Variants in BTRC observed in about 807,000 individuals in gnomAD.
The protein encoded by BTRC is F-box/WD repeat-containing protein 1A.
BTRC carries 42 observed loss-of-function variants against 85.5 expected under a neutral mutation model. That is an observed-to-expected ratio of 0.49 (90% CI 0.38 to 0.64). The LOEUF is 0.64. Among genes scored for constraint, BTRC ranks in the 30% least tolerant of loss-of-function variants. The probability of loss-of-function intolerance (pLI) is 0.00; values close to 1 mark genes in which losing one functional copy is unlikely to be tolerated. For missense variants in BTRC, 594 were observed against 743.5 expected (o/e 0.80, Z 2.34); for synonymous variants, 255 against 263.3 (o/e 0.97, Z 0.30).
intron 13 of BTRC, 70 bp downstream of exon 13, chr10:101,538,441 G>A: frequency 3.6e-6 from 5 of 1,376,036 alleles, no homozygotes; most frequent in Non-Finnish European, 5.2e-6. Context: ...GATGTGCTGT[G>A]GAATATGGAT....
intron 3 of BTRC, among the ~76,000 whole-genome samples, chr10:101,464,542 C>A (rs1423949461): frequency 5.5e-5 from 7 of 128,098 alleles, no homozygotes; most frequent in African/African-American, 2.1e-4. Flanking sequence ...TTCCCCCCCA[C>A]CCCCCCCATG....
In BTRC at chr10:101,490,487, ACATCT is replaced by A. The variant is rs1175753587; in HGVS notation, c.324+11031_324+11035del. ...TAAGTTAAACCTTTTCCAAATTTTC[ACATCT>A]TTAAATGATAGAGTCAAGTTTTGAA... On this transcript the variant is annotated intron_variant, in intron 4 of 14. Coordinates refer to ENST00000370187, the MANE Select transcript of BTRC (RefSeq NM_033637.4). Among the ~76,000 whole-genome samples the A allele has an allele frequency of 2.6e-4, 40 of 152,252 alleles. No homozygotes were observed. The South Asian group carries it at 8.1e-3, about 31-fold the overall frequency.
At chr10:101,472,295 T>C (rs1945550334) in intron 3 of BTRC, among the ~76,000 whole-genome samples, 1 of 149,808 alleles carries the variant, frequency 6.7e-6, no homozygotes, top group Non-Finnish European at 1.5e-5. Flanking sequence ...TTCTCTTCTC[T>C]TCTCTTCTCT....
At chr10:101,355,355 G>T (rs1309382619) in intron 1 of BTRC, among the ~76,000 whole-genome samples, 1 of 152,138 alleles carries the variant, frequency 6.6e-6, no homozygotes, top group African/African-American at 2.4e-5. Context: ...GGATTTTGTG[G>T]GTGTGCTTAA....
At chr10:101,362,008 T>C (rs1942221226) in intron 1 of BTRC, among the ~76,000 whole-genome samples, 1 of 152,176 alleles carries the variant, frequency 6.6e-6, no homozygotes, top group Admixed American at 6.5e-5. Flanking sequence ...GTCGCCAGAC[T>C]GGAGTGCAGT....
intron 2 of BTRC, among the ~76,000 whole-genome samples, chr10:101,441,879 CAAAAA>C (rs35543012): frequency 2.3e-5 from 2 of 85,746 alleles, no homozygotes; most frequent in Non-Finnish European, 4.3e-5. Context: ...GAGACTGTCT[CAAAAA>C]AAAAAAAAAA....
At chr10:101,369,627 G>A (rs189983750) in intron 1 of BTRC, among the ~76,000 whole-genome samples, 5 of 152,268 alleles carry the variant, frequency 3.3e-5, no homozygotes, top group East Asian at 3.9e-4. Context: ...GGTGTTAAGC[G>A]TGCTCATTGC....
intron 13 of BTRC, among the ~76,000 whole-genome samples, chr10:101,545,543 C>T (rs1253693174): frequency 6.6e-6 from 1 of 151,904 alleles, no homozygotes; most frequent in Admixed American, 6.6e-5. Flanking sequence ...TGGAGTAGGC[C>T]CTAATCCAAT....
At chr10:101,392,446 T>A (rs537025761) in intron 1 of BTRC, among the ~76,000 whole-genome samples, 3 of 152,282 alleles carry the variant, frequency 2.0e-5, no homozygotes, top group Admixed American at 6.5e-5. Context: ...TCAAAAAAAA[T>A]TTTAAAGATT....
chr10:101,533,805 C>T lies in BTRC; in HGVS notation c.1097+735C>T, dbSNP rs60069729. On this transcript the variant is annotated intron_variant, in intron 9 of 14. Coordinates refer to ENST00000370187, the MANE Select transcript of BTRC (RefSeq NM_033637.4). Reference sequence around the variant, plus strand: ...AGTTATCCTCTGTGAATAGAAAAGACGGTTCCTGTTTTTTGTCTTTTGACT... The same window carrying T: ...AGTTATCCTCTGTGAATAGAAAAGATGGTTCCTGTTTTTTGTCTTTTGACT... 7.9e-3 allele frequency among the ~76,000 whole-genome samples: 1,204 copies of T among 152,204 alleles called. 17 individuals carry two copies. The highest frequency in any genetic ancestry group is 0.027 in the African/African-American group (1,132 of 41,554).
intron 2 of BTRC, among the ~76,000 whole-genome samples, chr10:101,436,892 C>G (rs1324644772): frequency 6.6e-6 from 1 of 152,014 alleles, no homozygotes. Context: ...TGGAACAATA[C>G]AGGAAAATTA....
chr10:101,459,975 C>G (rs1173759636), intron 2 of BTRC, among the ~76,000 whole-genome samples: 1 of 151,992 alleles, frequency 6.6e-6, no homozygotes, highest in Non-Finnish European at 1.5e-5. Context: ...TGACAAACTT[C>G]CAGCAAAAAG....
At chr10:101,389,862 C>G (rs539701530) in intron 1 of BTRC, among the ~76,000 whole-genome samples, 1 of 152,074 alleles carries the variant, frequency 6.6e-6, no homozygotes, top group African/African-American at 2.4e-5. Context: ...TGGGTTCAAG[C>G]GATCTGTCTA....
At chr10:101,464,540 C>CT (rs1945320356) in intron 3 of BTRC, among the ~76,000 whole-genome samples, 1 of 129,802 alleles carries the variant, frequency 7.7e-6, no homozygotes, top group African/African-American at 2.9e-5. Flanking sequence ...CCTTCCCCCC[C>CT]ACCCCCCCCA....
At chr10:101,436,629 G>A (rs1267501044) in intron 2 of BTRC, among the ~76,000 whole-genome samples, 1 of 98,610 alleles carries the variant, frequency 1.0e-5, no homozygotes, top group Non-Finnish European at 2.6e-5. Flanking sequence ...AAAAAAAATA[G>A]ATAGATAGAT....
chr10:101,545,076 G>T (rs2062538991), intron 13 of BTRC, among the ~76,000 whole-genome samples: 1 of 151,796 alleles, frequency 6.6e-6, no homozygotes, highest in South Asian at 2.1e-4. Flanking sequence ...AAAAAAGCTA[G>T]ATTGACAGTG....
At chr10:101,458,126 T>C (rs1945128326) in intron 2 of BTRC, among the ~76,000 whole-genome samples, 1 of 152,202 alleles carries the variant, frequency 6.6e-6, no homozygotes, top group South Asian at 2.1e-4. Flanking sequence ...AACCAGGAAA[T>C]TGAATGGATA....
chr10:101,433,873 T>TA (rs1232424480), intron 2 of BTRC, among the ~76,000 whole-genome samples: 2 of 152,252 alleles, frequency 1.3e-5, no homozygotes, highest in South Asian at 4.1e-4. Context: ...TTTAAATTCT[T>TA]AAAAAATTAT....
intron 3 of BTRC, among the ~76,000 whole-genome samples, chr10:101,475,480 C>T (rs752768275): frequency 6.6e-6 from 1 of 152,178 alleles, no homozygotes; most frequent in Admixed American, 6.5e-5. Context: ...GTGCAGGTTA[C>T]AGTGAGCCGA....
Sources: gnomAD v4.1 joint callset for allele counts (sites outside exome capture counted in the v4.1 genomes callset) on GRCh38, gnomAD v4.1.1 for gene constraint, MANE v1.5 for transcripts, NCBI Gene and HGNC (gene_info 2026-07-23, HGNC 2026-07-21) for gene names.